PLCB4: variants seen among roughly 807,000 people sequenced by gnomAD.
The protein encoded by PLCB4 is 1-phosphatidylinositol 4,5-bisphosphate phosphodiesterase beta-4.
PLCB4 carries 77 observed loss-of-function variants against 178.8 expected under a neutral mutation model. The ratio of observed to expected loss-of-function variants is 0.43; its 90% confidence interval spans 0.36 to 0.52. The LOEUF (loss-of-function observed/expected upper bound fraction) is 0.52. Ranked by LOEUF, PLCB4 falls within the 20% of genes least tolerant of loss-of-function variation. The pLI, the probability that PLCB4 is intolerant of heterozygous loss-of-function variation, is 0.00. For missense variants in PLCB4, 1,024 were observed against 1,453.4 expected, an observed-to-expected ratio of 0.70 and a Z score of 4.80; for synonymous variants, 496 against 490.8, an observed-to-expected ratio of 1.01 and a Z score of -0.14.
At chr20:9,206,696 A>G (rs763322078) in intron 2 of PLCB4, among the ~76,000 whole-genome samples, 1 of 152,218 alleles carries the variant, frequency 6.6e-6, no homozygotes, top group Non-Finnish European at 1.5e-5. Flanking sequence ...CAAGTTTCTG[A>G]AACTAAGACC....
At chr20:9,385,212 A>G (rs908708757) in intron 14 of PLCB4, among the ~76,000 whole-genome samples, 1 of 152,180 alleles carries the variant, frequency 6.6e-6, no homozygotes, top group East Asian at 1.9e-4. Context: ...ACTTCTTACT[A>G]CACAGACACA....
intron 2 of PLCB4, among the ~76,000 whole-genome samples, chr20:9,120,241 G>A (rs759710063): frequency 6.6e-6 from 1 of 152,094 alleles, no homozygotes; most frequent in Non-Finnish European, 1.5e-5. Flanking sequence ...AATGAAGATA[G>A]CCATGTCAGA....
At chr20:9,072,760 G>A (rs1600215359) in intron 1 of PLCB4, among the ~76,000 whole-genome samples, 1 of 152,166 alleles carries the variant, frequency 6.6e-6, no homozygotes, top group East Asian at 1.9e-4. Flanking sequence ...GGAGATGAAA[G>A]TAATAATGCT....
chr20:9,193,683 A>G (rs1443005604), intron 2 of PLCB4, among the ~76,000 whole-genome samples: 1 of 152,186 alleles, frequency 6.6e-6, no homozygotes, highest in Admixed American at 6.5e-5. Context: ...TTACTATTTC[A>G]AAAATGGGAG....
At chr20:9,424,770 G>T (rs1274899060) in intron 28 of PLCB4, among the ~76,000 whole-genome samples, 1 of 152,120 alleles carries the variant, frequency 6.6e-6, no homozygotes, top group Non-Finnish European at 1.5e-5. Flanking sequence ...ATATAGCAAG[G>T]CTCAGAAATG....
intron 2 of PLCB4, among the ~76,000 whole-genome samples, chr20:9,113,452 G>A (rs1600496216): frequency 6.6e-6 from 1 of 152,100 alleles, no homozygotes; most frequent in Non-Finnish European, 1.5e-5. Flanking sequence ...TCCATGGAAA[G>A]TGTTATTTTA....
At chr20:9,164,870 C>T (rs980125973) in intron 2 of PLCB4, among the ~76,000 whole-genome samples, 1 of 152,052 alleles carries the variant, frequency 6.6e-6, no homozygotes, top group African/African-American at 2.4e-5. Flanking sequence ...CTGATGGAAA[C>T]GTTTGAGGTA....
intron 12 of PLCB4, among the ~76,000 whole-genome samples, chr20:9,377,204 A>G (rs963005301): frequency 6.6e-6 from 1 of 152,164 alleles, no homozygotes; most frequent in African/African-American, 2.4e-5. Context: ...CTCCTTACTT[A>G]CTTGGACACA....
chr20:9,464,040 C>T (rs1237404041), intron 35 of PLCB4, among the ~76,000 whole-genome samples: 1 of 152,172 alleles, frequency 6.6e-6, no homozygotes, highest in Non-Finnish European at 1.5e-5. Flanking sequence ...TAAAGCACTC[C>T]TCAGCAAATG....
chr20:9,393,500 C>A, intron 17 of PLCB4, 88 bp from the exon 18 acceptor site: 1 of 854,592 alleles, frequency 1.2e-6, no homozygotes, highest in Non-Finnish European at 1.9e-6. Flanking sequence ...TTGCATCACT[C>A]CCAGGCCTCC....
intron 3 of PLCB4, among the ~76,000 whole-genome samples, chr20:9,256,984 G>GGAT (rs1482955651): frequency 1.3e-5 from 2 of 152,212 alleles, no homozygotes; most frequent in African/African-American, 4.8e-5. Context: ...TTCTCATGGA[G>GGAT]GATGATTCCA....
At position 9,078,351 on chromosome 20, in the gene PLCB4, T is replaced by TTGTTC. The variant is rs1267286927; in HGVS notation, c.-135+9146_-135+9147insGTTCT. Among the ~76,000 whole-genome samples, 79 of 27,962 alleles carry TTGTTC rather than the reference T, an allele frequency of 2.8e-3. 1 individual carries two copies. Among genetic ancestry groups the TTGTTC allele is most frequent in the South Asian group, 0.025 (9 of 356 alleles). The allele number at this position is 27,962 out of a possible 152,430, so 18.3% of individuals were successfully genotyped here. A position where few individuals can be genotyped will look rare whatever the true frequency, so the allele number is the denominator to read the frequency against. ...ATTAGAAACTATACCTTCTTTTCTT[T>TTGTTC]TCTTCTCTTTTCTTTTCTTCTTCTC... is the stretch of plus-strand genomic sequence containing the variant. On this transcript the variant is annotated intron_variant, in intron 1 of 39. Coordinates refer to ENST00000378473, the MANE Select transcript of PLCB4 (RefSeq NM_001377142.1).
chr20:9,120,430 C>A (rs1464921460), intron 2 of PLCB4, among the ~76,000 whole-genome samples: 2 of 147,770 alleles, frequency 1.4e-5, no homozygotes, highest in African/African-American at 2.5e-5. Context: ...ACCCAGCCGA[C>A]CTGCTCCTTT....
intron 21 of PLCB4, among the ~76,000 whole-genome samples, chr20:9,407,461 C>G (rs1183854774): frequency 6.6e-6 from 1 of 151,724 alleles, no homozygotes; most frequent in Non-Finnish European, 1.5e-5. Context: ...CCTCTGCCTC[C>G]TGGGTTCAAG....
intron 2 of PLCB4, among the ~76,000 whole-genome samples, chr20:9,119,518 G>A (rs201014010): frequency 1.3e-3 from 173 of 131,460 alleles, no homozygotes; most frequent in Non-Finnish European, 1.3e-3. Context: ...AGAGAAAGGA[G>A]AAAAAAAAAA....
intron 3 of PLCB4, among the ~76,000 whole-genome samples, chr20:9,299,662 A>G (rs574440313): frequency 7.9e-5 from 12 of 152,132 alleles, no homozygotes; most frequent in African/African-American, 2.9e-4. Context: ...ACTATTTTTA[A>G]TGGGTACAGT....
At chr20:9,222,941 T>C (rs1227118558) in intron 3 of PLCB4, among the ~76,000 whole-genome samples, 1 of 152,216 alleles carries the variant, frequency 6.6e-6, no homozygotes, top group African/African-American at 2.4e-5. Context: ...TGATCTGTCC[T>C]TGAGGTGCTA....
At chr20:9,154,631 G>A (rs905514504) in intron 2 of PLCB4, among the ~76,000 whole-genome samples, 1 of 152,028 alleles carries the variant, frequency 6.6e-6, no homozygotes, top group Non-Finnish European at 1.5e-5. Context: ...AACAGATATT[G>A]ATCAGCTACC....
In PLCB4 at chr20:9,436,918, C is replaced by A. The variant is rs377608531; in HGVS notation, c.2614-84C>A. The A allele has an allele frequency of 9.5e-5, 124 of 1,306,260 alleles. 1 individual carries two copies. Among genetic ancestry groups the A allele is most frequent in the African/African-American group, 6.6e-4 (45 of 68,276 alleles). The allele number at this position is 1,306,260 out of a possible 1,614,324, so 80.9% of individuals were successfully genotyped here. ...CTAGGAAGAGTATGGTAGAAGTTTA[C>A]TGGATTCAGTAAAATAAAGAATGTA... On this transcript the variant is annotated intron_variant, in intron 29 of 39. Coordinates refer to ENST00000378473, the MANE Select transcript of PLCB4 (RefSeq NM_001377142.1).
Sources: gnomAD v4.1 joint callset for allele counts (sites outside exome capture counted in the v4.1 genomes callset) on GRCh38, gnomAD v4.1.1 for gene constraint, MANE v1.5 for transcripts, NCBI Gene and HGNC (gene_info 2026-07-23, HGNC 2026-07-21) for gene names.